The following PLBD2 variants were observed in gnomAD, a reference collection of about 807,000 sequenced individuals.
PLBD2 encodes phospholipase B domain containing 2, also known as putative aminopeptidase PLBD2.
PLBD2 carries 51 observed loss-of-function variants against 68.3 expected under a neutral mutation model. That is an observed-to-expected ratio of 0.75 (90% confidence interval 0.60 to 0.94). The LOEUF (loss-of-function observed/expected upper bound fraction) is 0.94, where lower values mean the gene tolerates loss of function less well. Among genes scored for constraint, PLBD2 ranks in the 40% least tolerant of loss-of-function variants. The probability of loss-of-function intolerance (pLI) is 0.00; values close to 1 mark genes in which losing one functional copy is unlikely to be tolerated. For missense variants in PLBD2, 729 were observed against 792.2 expected (o/e 0.92, Z 0.96); for synonymous variants, 314 against 339.3 (o/e 0.93, Z 0.82).
intron 5 of PLBD2, 99 bp downstream of exon 5, chr12:113,375,106 C>A: frequency 9.5e-7 from 1 of 1,057,312 alleles, no homozygotes; most frequent in Admixed American, 2.1e-5. Context: ...CCTCCCAACA[C>A]ACGGAGTCAC....
At chr12:113,368,746 G>A (rs1593281118) in intron 1 of PLBD2, among the ~76,000 whole-genome samples, 6 of 152,242 alleles carry the variant, frequency 3.9e-5, no homozygotes, top group Admixed American at 3.9e-4. Flanking sequence ...CCACCTTGTA[G>A]GATTATAGGG....
rs191640787 is a variant in PLBD2, at chr12:113,360,381, G to A, written c.290+1491G>A. On this transcript the variant is annotated intron_variant, in intron 1 of 11. Transcript: ENST00000280800. The stretch of plus-strand genomic sequence containing the variant: ...GAGGACATGACAGAACTGTTCAGGC[G>A]AGGAGGGGCAGGAGCGAGGCCCAGC... 1.0e-3 allele frequency among the ~76,000 whole-genome samples: 155 copies of A among 152,324 alleles called. 2 individuals are homozygous for A. Among genetic ancestry groups the A allele is most frequent in the African/African-American group, 3.3e-3 (139 of 41,576 alleles).
intron 5 of PLBD2, among the ~76,000 whole-genome samples, chr12:113,377,982 A>G: frequency 6.6e-6 from 1 of 152,340 alleles, no homozygotes; most frequent in Non-Finnish European, 1.5e-5. Context: ...ACATTTGGTT[A>G]TGTTTTCTCC....
Position 113,358,848 on chromosome 12 carries a change from C to T in PLBD2, c.248C>T (p.Ala83Val), listed in dbSNP as rs1406609247. The T allele has an allele frequency of 2.0e-6, 3 of 1,522,044 alleles. No homozygotes were observed. The Admixed American group carries it at 6.3e-5, about 32-fold the overall frequency. The allele number at this position is 1,522,044 out of a possible 1,614,324, so 94.3% of individuals were successfully genotyped here. A position where few individuals can be genotyped will look rare whatever the true frequency, so the allele number is the denominator to read the frequency against. Residue 83 changes from alanine (A) to valine (V), a missense_variant, in exon 1 of 12, where the codon GCC (alanine) becomes GTC (valine). Coordinates refer to ENST00000280800, the MANE Select transcript of PLBD2 (RefSeq NM_173542.4). ...LLMVDGRHPD[A>V]VAWANLTNAI... is the part of the protein sequence containing the mutation. Reference sequence around the variant, plus strand: ...ATGGTGGACGGACGCCACCCTGACGCCGTGGCCTGGGCCAACCTCACCAAC... The same window carrying T: ...ATGGTGGACGGACGCCACCCTGACGTCGTGGCCTGGGCCAACCTCACCAAC...
chr12:113,385,581 C>G (rs1479108586), intron 9 of PLBD2, among the ~76,000 whole-genome samples: 2 of 152,192 alleles, frequency 1.3e-5, no homozygotes, highest in African/African-American at 4.8e-5. Flanking sequence ...CAGCTGTCAC[C>G]TCCTGAGGCT....
rs775489584 is a variant in PLBD2, at chr12:113,387,762, T to C, written c.1458T>C (p.His486=). The C allele has an allele frequency of 9.3e-6, 15 of 1,614,120 alleles. No individual in the cohort carries two copies. The highest frequency in any genetic ancestry group is 1.3e-5 in the Non-Finnish European group (15 of 1,179,984). The stretch of plus-strand genomic sequence containing the variant: ...CATCCAGGTACAATGACTTCCTCCA[T>C]GACCCTCTGTCACTGTGCAAAGCCT... ...VRLMRYNDFL[H]DPLSLCKACN... Residue 486 remains histidine (H), a synonymous_variant, in exon 11 of 12, where the codon CAT becomes CAC. Transcript: ENST00000280800.
intron 9 of PLBD2, 23 bp from the exon 10 acceptor site, chr12:113,386,914 G>A: frequency 6.2e-7 from 1 of 1,611,098 alleles, no homozygotes; most frequent in Non-Finnish European, 8.5e-7. Context: ...GGGGTCATGG[G>A]TGACCATCCT....
At chr12:113,358,989 A>G in intron 1 of PLBD2, 99 bp downstream of exon 1, 1 of 1,301,812 alleles carries the variant, frequency 7.7e-7, no homozygotes, top group Non-Finnish European at 1.0e-6. Context: ...GCCGGGTGGG[A>G]ACGCCCGTTT....
At chr12:113,386,892 G>A (rs771575303) in intron 9 of PLBD2, 45 bp from the exon 10 acceptor site, 58 of 1,598,472 alleles carry the variant, frequency 3.6e-5, no homozygotes, top group Middle Eastern at 3.7e-4. Context: ...CCTTGGCTGA[G>A]TGAGGCCAGT....
At chr12:113,382,835 T>TTTTGTGTG (rs1335785271) in intron 6 of PLBD2, among the ~76,000 whole-genome samples, 6 of 106,532 alleles carry the variant, frequency 5.6e-5, no homozygotes, top group Admixed American at 1.1e-4. Flanking sequence ...TGGTGGTTTT[T>TTTTGTGTG]TGTGTGTGTG....
chr12:113,370,395 A>G (rs1191571353), intron 2 of PLBD2, among the ~76,000 whole-genome samples: 2 of 150,170 alleles, frequency 1.3e-5, no homozygotes, highest in African/African-American at 4.9e-5. Context: ...TTTTATTATC[A>G]TGCTTCATAA....
chr12:113,372,519 G>T lies in PLBD2; in HGVS notation c.385-130G>T. On this transcript the variant is annotated intron_variant, in intron 2 of 11. Transcript: ENST00000280800. The surrounding 1 kb of genome is among the most constrained non-coding windows in gnomAD (Gnocchi z 4.2). ...GCAGGGAGAGGAGCCTCCAGGGAGA[G>T]GACAGCATGAGCAAGGACTCAGGTG... 1 of 986,324 alleles carries T rather than the reference G, an allele frequency of 1.0e-6. No homozygotes were observed. Among genetic ancestry groups the T allele is most frequent in the African/African-American group, 1.6e-5 (1 of 61,896 alleles). The allele number at this position is 986,324 out of a possible 1,614,324, so 61.1% of individuals were successfully genotyped here.
intron 3 of PLBD2, among the ~76,000 whole-genome samples, chr12:113,373,173 G>C (rs893075221): frequency 2.6e-5 from 4 of 152,224 alleles, no homozygotes; most frequent in Non-Finnish European, 5.9e-5. Context: ...AAGAGGGGAA[G>C]GGGAAAACCA....
In PLBD2 at chr12:113,374,867, G is replaced by A. The variant is rs2136911834; in HGVS notation, c.719G>A (p.Gly240Asp). The A allele has an allele frequency of 6.2e-7, 1 of 1,613,978 alleles. No homozygotes were observed. Among genetic ancestry groups the A allele is most frequent in the Middle Eastern group, 1.6e-4 (1 of 6,062 alleles). Residue 240 changes from glycine to aspartate, a missense_variant, in exon 5 of 12, where the codon GGC becomes GAC. Transcript: ENST00000280800. ...AAGACCAAGATCAAACCTTCTCTGG[G>A]CTCTGGCTCCTGTTCTGCCCTCATC... ...LNKTKIKPSL[G>D]SGSCSALIKL...
chr12:113,364,503 C>G (rs1212854458), intron 1 of PLBD2, among the ~76,000 whole-genome samples: 2 of 151,334 alleles, frequency 1.3e-5, no homozygotes, highest in African/African-American at 2.4e-5. Flanking sequence ...GCATCTTGCT[C>G]TATTGTCTGG....
chr12:113,377,009 T>C (rs937896053), intron 5 of PLBD2: 6 of 152,158 alleles, frequency 3.9e-5, no homozygotes, highest in African/African-American at 1.4e-4. Context: ...GCCTTATTCA[T>C]TGCTAATGGG....
chr12:113,362,745 C>G (rs1957306630), intron 1 of PLBD2, among the ~76,000 whole-genome samples: 1 of 151,560 alleles, frequency 6.6e-6, no homozygotes, highest in Admixed American at 6.6e-5. Context: ...AGCAAACAAG[C>G]AGAAAGGACA....
intron 10 of PLBD2, 118 bp downstream of exon 10, chr12:113,387,207 G>A (rs953740206): frequency 1.5e-6 from 2 of 1,323,936 alleles, no homozygotes; most frequent in Non-Finnish European, 2.0e-6. Flanking sequence ...GGGCCAGCAG[G>A]GGGTGGTCAG....
chr12:113,370,476 T>C (rs1006900591), intron 2 of PLBD2, among the ~76,000 whole-genome samples: 18 of 132,108 alleles, frequency 1.4e-4, no homozygotes, highest in African/African-American at 5.2e-4. Flanking sequence ...TCTTTTCTTT[T>C]TTTTTTTTTT....
Sources: allele counts gnomAD v4.1 joint callset (sites outside exome capture counted in the v4.1 genomes callset), GRCh38; gene constraint gnomAD v4.1.1; non-coding constraint Gnocchi (gnomAD v3.1); transcripts MANE v1.5; gene names NCBI Gene and HGNC (gene_info 2026-07-23, HGNC 2026-07-21).